MND1: variants seen among roughly 807,000 people sequenced by gnomAD.
MND1 encodes the protein meiotic nuclear division protein 1 homolog.
MND1 carries 28 observed loss-of-function variants against 35.1 expected under a neutral mutation model. The observed-to-expected ratio is 0.80, with a 90% CI of 0.59 to 1.09. The LOEUF is 1.09. Ranked by LOEUF, MND1 falls within the 50% of genes least tolerant of loss-of-function variation. The probability of loss-of-function intolerance (pLI) is 0.00; values close to 1 mark genes in which losing one functional copy is unlikely to be tolerated. For missense variants in MND1, 213 were observed against 239.6 expected, an observed-to-expected ratio of 0.89 and a Z score of 0.73; for synonymous variants, 69 against 70.5, an observed-to-expected ratio of 0.98 and a Z score of 0.11.
chr4:153,405,368 T>C (rs1729471041), intron 6 of MND1, among the ~76,000 whole-genome samples: 1 of 151,888 alleles, frequency 6.6e-6, no homozygotes, highest in South Asian at 2.1e-4. Flanking sequence ...TGAAACCCCA[T>C]CTCTACTAAA....
intron 4 of MND1, among the ~76,000 whole-genome samples, chr4:153,370,209 G>A (rs552532479): frequency 1.9e-4 from 29 of 152,068 alleles, no homozygotes; most frequent in Admixed American, 9.2e-4. Context: ...TTGAACCTAG[G>A]AGGCGGAGGT....
chr4:153,357,488 A>G (rs944000872), intron 3 of MND1, among the ~76,000 whole-genome samples: 3 of 152,224 alleles, frequency 2.0e-5, no homozygotes, highest in African/African-American at 7.2e-5. Flanking sequence ...CCATGTATTT[A>G]CTATTCATTA....
intron 5 of MND1, among the ~76,000 whole-genome samples, chr4:153,395,150 A>T (rs1250755965): frequency 6.6e-6 from 1 of 152,258 alleles, no homozygotes; most frequent in Non-Finnish European, 1.5e-5. Context: ...ACAGTCACAG[A>T]TAGGAATTGG....
chr4:153,350,373 A>G (rs919706555), intron 2 of MND1, among the ~76,000 whole-genome samples: 3 of 152,200 alleles, frequency 2.0e-5, no homozygotes, highest in Non-Finnish European at 4.4e-5. Context: ...CTTCTGATGC[A>G]TATATTTGAT....
chr4:153,390,919 A>ATGTGTGTG lies in MND1; in HGVS notation c.277-3327_277-3320dup, dbSNP rs149830333. On this transcript the variant is annotated intron_variant, in intron 4 of 7. Transcript: ENST00000240488. ...TGTGTGTGTGTGTGTGTGTGTGTATATGTGTGTGTGTGTGTGTGTGTGTAT... is the reference window on the plus strand; with the variant it reads ...TGTGTGTGTGTGTGTGTGTGTGTATATGTGTGTGTGTGTGTGTGTGTGTGTGTGTGTAT... Among the ~76,000 whole-genome samples, 1,109 of 124,736 alleles carry ATGTGTGTG rather than the reference A, an allele frequency of 8.9e-3. 9 individuals carry two copies. Among genetic ancestry groups the ATGTGTGTG allele is most frequent in the African/African-American group, 0.029 (999 of 33,890 alleles). 81.8% of individuals were successfully genotyped at this position (124,736 alleles called of 152,430 possible). A position where few individuals can be genotyped will look rare whatever the true frequency, so the allele number is the denominator to read the frequency against.
intron 2 of MND1, among the ~76,000 whole-genome samples, chr4:153,353,192 C>T (rs1442987146): frequency 1.3e-5 from 2 of 151,730 alleles, no homozygotes; most frequent in Non-Finnish European, 2.9e-5. Context: ...ATTTATTCCT[C>T]GATGAGCAAA....
At chr4:153,399,057 CTG>C (rs1480501470) in intron 6 of MND1, among the ~76,000 whole-genome samples, 1 of 152,214 alleles carries the variant, frequency 6.6e-6, no homozygotes, top group African/African-American at 2.4e-5. Flanking sequence ...GATAGCATGA[CTG>C]TGCCCTCTAG....
At chr4:153,353,462 T>A (rs1315829140) in intron 2 of MND1, among the ~76,000 whole-genome samples, 1 of 142,684 alleles carries the variant, frequency 7.0e-6, no homozygotes, top group Non-Finnish European at 1.5e-5. Flanking sequence ...TCTATCCACT[T>A]ATCTCTCCAT....
chr4:153,396,516 A>G (rs1729201411), intron 5 of MND1, among the ~76,000 whole-genome samples: 1 of 152,244 alleles, frequency 6.6e-6, no homozygotes, highest in South Asian at 2.1e-4. Context: ...ATTCTGTACT[A>G]TAATCTTTGC....
At chr4:153,406,596 G>A (rs756142262) in intron 6 of MND1, among the ~76,000 whole-genome samples, 4 of 152,056 alleles carry the variant, frequency 2.6e-5, no homozygotes, top group Non-Finnish European at 4.4e-5. Flanking sequence ...CAAGTGTCTA[G>A]TATCCAAAAT....
Position 153,358,632 on chromosome 4 carries a change from C to T in MND1, c.276+10C>T. 6.2e-7 allele frequency: 1 copy of T among 1,610,112 alleles called. No homozygotes were observed. Among genetic ancestry groups the T allele is most frequent in the African/African-American group, 1.3e-5 (1 of 74,818 alleles). ...GGTTCTGGAATCTCAGGTAAGCTGCCACAGTTAAAAAGAATAGAGTTGCTT... is the reference window on the plus strand; with the variant it reads ...GGTTCTGGAATCTCAGGTAAGCTGCTACAGTTAAAAAGAATAGAGTTGCTT... On this transcript the variant is annotated intron_variant, in intron 4 of 7. Transcript: ENST00000240488.
chr4:153,405,331 A>G (rs1489897064), intron 6 of MND1, among the ~76,000 whole-genome samples: 1 of 152,074 alleles, frequency 6.6e-6, no homozygotes, highest in Non-Finnish European at 1.5e-5. Flanking sequence ...TGAGGTCAGG[A>G]GATCGAGACC....
Position 153,414,803 on chromosome 4 carries a change from A to G in MND1, c.564A>G (p.Glu188=). Residue 188 remains glutamate, a synonymous_variant, in exon 8 of 8, where the codon GAA becomes GAG. Coordinates refer to ENST00000240488, the MANE Select transcript of MND1 (RefSeq NM_032117.4). ...SWAKRKFGFE[E]NKIDRTFGIP... ...CCAAAAGAAAATTTGGGTTTGAAGA[A>G]AATAAAATTGATAGAACTTTTGGAA... is the stretch of plus-strand genomic sequence containing the variant. 1 of 1,564,568 alleles carries G rather than the reference A, an allele frequency of 6.4e-7. No homozygotes were observed. Among genetic ancestry groups the G allele is most frequent in the Non-Finnish European group, 8.7e-7 (1 of 1,150,120 alleles).
chr4:153,353,404 CATATATATATATATATATATATATATAT>C (rs58280101), intron 2 of MND1, among the ~76,000 whole-genome samples: 25 of 81,942 alleles, frequency 3.1e-4, no homozygotes, highest in Admixed American at 5.7e-4. Context: ...GACTTTATCA[CATATATATATATATATATATATATATAT>C]ATATATATAT....
chr4:153,357,223 C>A (rs1773368588), intron 3 of MND1, among the ~76,000 whole-genome samples: 1 of 152,160 alleles, frequency 6.6e-6, no homozygotes, highest in Non-Finnish European at 1.5e-5. Context: ...TGAAACCAGA[C>A]AACCACTGAG....
chr4:153,412,767 C>T (rs533891490), intron 7 of MND1, among the ~76,000 whole-genome samples: 30 of 151,350 alleles, frequency 2.0e-4, no homozygotes, highest in South Asian at 6.3e-4. Flanking sequence ...GCATTACAGG[C>T]GTGAGCCACC....
chr4:153,404,886 C>G (rs146110530), intron 6 of MND1, among the ~76,000 whole-genome samples: 1 of 152,100 alleles, frequency 6.6e-6, no homozygotes, highest in Non-Finnish European at 1.5e-5. Context: ...ACCTCTACAC[C>G]TGGCTAATTT....
chr4:153,410,053 T>C (rs1375041305), intron 7 of MND1, among the ~76,000 whole-genome samples: 1 of 152,216 alleles, frequency 6.6e-6, no homozygotes, highest in Non-Finnish European at 1.5e-5. Flanking sequence ...CCTTACTTGC[T>C]GTGTGACCTC....
At chr4:153,391,036 G>GA (rs1729017726) in intron 4 of MND1, among the ~76,000 whole-genome samples, 1 of 151,526 alleles carries the variant, frequency 6.6e-6, no homozygotes, top group Non-Finnish European at 1.5e-5. Context: ...ACTTTTAATG[G>GA]AAAAATGTTA....
Sources: gnomAD v4.1 joint callset for allele counts (sites outside exome capture counted in the v4.1 genomes callset) on GRCh38, gnomAD v4.1.1 for gene constraint, MANE v1.5 for transcripts, NCBI Gene and HGNC (gene_info 2026-07-23, HGNC 2026-07-21) for gene names.